FHIT: variants seen among roughly 807,000 people sequenced by gnomAD.
FHIT encodes the protein fragile histidine triad diadenosine triphosphatase.
A neutral mutation model predicts 17.9 loss-of-function variants in FHIT; 19 were observed. The ratio of observed to expected loss-of-function variants is 1.06; its 90% CI spans 0.74 to 1.56. The LOEUF is 1.56. Ranked by LOEUF, FHIT falls within the 40% of genes most tolerant of loss-of-function variation. FHIT has a pLI of 0.00. For missense variants in FHIT, 248 were observed against 189.2 expected (o/e 1.31, Z -1.82); for synonymous variants, 81 against 69.7 (o/e 1.16, Z -0.81).
At chr3:60,903,737 A>G (rs912797754) in intron 3 of FHIT, among the ~76,000 whole-genome samples, 4 of 152,214 alleles carry the variant, frequency 2.6e-5, no homozygotes, top group African/African-American at 9.6e-5. Context: ...TAATTCAGCT[A>G]TTTGGTGTCT....
At chr3:59,768,533 C>G (rs574709049) in intron 8 of FHIT, among the ~76,000 whole-genome samples, 2 of 152,284 alleles carry the variant, frequency 1.3e-5, no homozygotes, top group South Asian at 2.1e-4. Flanking sequence ...ATTGTACATG[C>G]CTTCTAATTT....
At chr3:60,428,040 A>ACTAGGTTGG (rs1048270253) in intron 5 of FHIT, among the ~76,000 whole-genome samples, 1 of 152,134 alleles carries the variant, frequency 6.6e-6, no homozygotes, top group Admixed American at 6.6e-5. Context: ...CCCAATAGGT[A>ACTAGGTTGG]CTAGGTTGGC....
At chr3:60,601,605 A>G (rs1275633479) in intron 4 of FHIT, among the ~76,000 whole-genome samples, 1 of 152,196 alleles carries the variant, frequency 6.6e-6, no homozygotes, top group Non-Finnish European at 1.5e-5. Flanking sequence ...CTTAATAGTG[A>G]GCAGGATAAA....
chr3:60,978,345 T>G (rs1411698822), intron 3 of FHIT, among the ~76,000 whole-genome samples: 1 of 152,166 alleles, frequency 6.6e-6, no homozygotes, highest in Non-Finnish European at 1.5e-5. Flanking sequence ...AAAATGCCGT[T>G]TCCGATTATG....
intron 4 of FHIT, among the ~76,000 whole-genome samples, chr3:60,582,779 A>G (rs1481855389): frequency 6.6e-6 from 1 of 152,130 alleles, no homozygotes; most frequent in African/African-American, 2.4e-5. Context: ...ACAAATAGAA[A>G]GTAGCATTTA....
chr3:59,771,668 TAAG>T (rs1213227908), intron 8 of FHIT, among the ~76,000 whole-genome samples: 2 of 152,238 alleles, frequency 1.3e-5, no homozygotes, highest in African/African-American at 4.8e-5. Context: ...AGGGTTGTCC[TAAG>T]AAGAATTACT....
intron 1 of FHIT, among the ~76,000 whole-genome samples, chr3:61,201,127 T>C (rs145227036): frequency 1.3e-5 from 2 of 152,316 alleles, no homozygotes; most frequent in Admixed American, 6.5e-5. Flanking sequence ...CCTTCTAATA[T>C]AAACCTCACC....
At chr3:60,368,826 A>C (rs1184613943) in intron 5 of FHIT, among the ~76,000 whole-genome samples, 1 of 152,112 alleles carries the variant, frequency 6.6e-6, no homozygotes, top group East Asian at 1.9e-4. Context: ...TGTGTAATAC[A>C]TCTCAAAATA....
intron 7 of FHIT, among the ~76,000 whole-genome samples, chr3:59,948,561 A>C (rs1479174994): frequency 6.6e-6 from 1 of 151,768 alleles, no homozygotes; most frequent in Non-Finnish European, 1.5e-5. Context: ...AAAATAAATA[A>C]ATCACTATTT....
chr3:60,622,708 G>GT (rs1341560031), intron 4 of FHIT, among the ~76,000 whole-genome samples: 1 of 152,202 alleles, frequency 6.6e-6, no homozygotes, highest in Non-Finnish European at 1.5e-5. Flanking sequence ...TCACTTTGGG[G>GT]TTTTTTGGTT....
intron 7 of FHIT, among the ~76,000 whole-genome samples, chr3:59,984,203 A>G (rs1371784110): frequency 1.3e-5 from 2 of 152,118 alleles, no homozygotes; most frequent in East Asian, 3.9e-4. Context: ...TATTATCATT[A>G]ATGCCTTAGA....
At chr3:59,761,099 A>C (rs773778318) in intron 8 of FHIT, among the ~76,000 whole-genome samples, 2 of 152,146 alleles carry the variant, frequency 1.3e-5, no homozygotes, top group African/African-American at 2.4e-5. Context: ...TTTTCTTCTC[A>C]ACCTTGTAAG....
chr3:60,916,810 G>A (rs552995943), intron 3 of FHIT, among the ~76,000 whole-genome samples: 50 of 152,178 alleles, frequency 3.3e-4, no homozygotes, highest in Non-Finnish European at 5.9e-4. Context: ...CCATGGTGAC[G>A]ACAGCTATAA....
intron 7 of FHIT, among the ~76,000 whole-genome samples, chr3:59,964,232 C>A (rs1403946103): frequency 6.6e-6 from 1 of 151,994 alleles, no homozygotes; most frequent in East Asian, 1.9e-4. Context: ...GCTTTTAGAC[C>A]CAGAAAATTC....
intron 5 of FHIT, among the ~76,000 whole-genome samples, chr3:60,035,675 A>G (rs1324396356): frequency 6.6e-6 from 1 of 152,212 alleles, no homozygotes; most frequent in African/African-American, 2.4e-5. Flanking sequence ...TATTTTCACC[A>G]TTAGCCCAAA....
chr3:60,822,789 C>A lies in FHIT; in HGVS notation c.-110-778G>T, dbSNP rs527738273. Among the ~76,000 whole-genome samples the A allele has an allele frequency of 2.6e-5, 4 of 152,150 alleles. No individual in the cohort carries two copies. In the East Asian group the frequency reaches 7.7e-4, roughly 29 times the overall value. ...GACCCACCTTACTTGCAGGGATAAC[C>A]CCAAAGTGGACAAGTGACAGGGAGG... On this transcript the variant is annotated intron_variant, in intron 3 of 9. Transcript: ENST00000492590.
intron 5 of FHIT, among the ~76,000 whole-genome samples, chr3:60,314,643 T>C (rs1576462503): frequency 6.6e-6 from 1 of 152,180 alleles, no homozygotes; most frequent in East Asian, 1.9e-4. Flanking sequence ...TCTGAACTGT[T>C]AAAAACTTTC....
chr3:60,937,598 C>G (rs1708248437), intron 3 of FHIT, among the ~76,000 whole-genome samples: 1 of 147,172 alleles, frequency 6.8e-6, no homozygotes, highest in Non-Finnish European at 1.5e-5. Context: ...GAGTCTCACT[C>G]TGTCACCCAG....
At chr3:60,382,914 A>G (rs1487251468) in intron 5 of FHIT, among the ~76,000 whole-genome samples, 1 of 152,210 alleles carries the variant, frequency 6.6e-6, no homozygotes, top group Non-Finnish European at 1.5e-5. Flanking sequence ...TTCATGCTTC[A>G]ACACCTTTAC....
Sources: gnomAD v4.1 joint callset for allele counts (sites outside exome capture counted in the v4.1 genomes callset) on GRCh38, gnomAD v4.1.1 for gene constraint, MANE v1.5 for transcripts, NCBI Gene and HGNC (gene_info 2026-07-23, HGNC 2026-07-21) for gene names.